ANGPT1: variants seen among roughly 807,000 people sequenced by gnomAD.
ANGPT1 encodes the protein angiopoietin-1.
A neutral mutation model predicts 62.2 loss-of-function variants in ANGPT1; 17 were observed. The observed-to-expected ratio is 0.27, with a 90% CI of 0.19 to 0.41. ANGPT1 has a LOEUF of 0.41. ANGPT1 is among the 10% of genes least tolerant of loss of function. The probability of loss-of-function intolerance (pLI) is 1.00; values close to 1 mark genes in which losing one functional copy is unlikely to be tolerated. For missense variants in ANGPT1, 478 were observed against 594.9 expected (o/e 0.80, Z 2.04); for synonymous variants, 199 against 198.9 (o/e 1.00, Z 0.00).
At chr8:107,411,340 ATTGT>A (rs1337007843) in intron 1 of ANGPT1, among the ~76,000 whole-genome samples, 1 of 152,198 alleles carries the variant, frequency 6.6e-6, no homozygotes, top group South Asian at 2.1e-4. Flanking sequence ...TTAAATAAAC[ATTGT>A]TTGTTTGGTA....
intron 1 of ANGPT1, among the ~76,000 whole-genome samples, chr8:107,385,181 G>C (rs1263660892): frequency 6.6e-6 from 1 of 152,016 alleles, no homozygotes; most frequent in Non-Finnish European, 1.5e-5. Flanking sequence ...GTCCTTGGTA[G>C]TTTGATAAGA....
chr8:107,271,130 C>A (rs1813723938), intron 7 of ANGPT1, among the ~76,000 whole-genome samples: 1 of 151,976 alleles, frequency 6.6e-6, no homozygotes. Flanking sequence ...CAAATTAAGG[C>A]TGTGTCATGA....
intron 2 of ANGPT1, among the ~76,000 whole-genome samples, chr8:107,343,114 G>A (rs1815731041): frequency 6.6e-6 from 1 of 151,472 alleles, no homozygotes. Flanking sequence ...TGAGATTTTA[G>A]GTGCGGGCCA....
chr8:107,341,852 G>A (rs567020482), intron 2 of ANGPT1, among the ~76,000 whole-genome samples: 11 of 151,964 alleles, frequency 7.2e-5, no homozygotes, highest in African/African-American at 7.2e-5. Flanking sequence ...CAGGCTTATC[G>A]AGTAGCTGTA....
intron 1 of ANGPT1, among the ~76,000 whole-genome samples, chr8:107,353,882 C>T (rs1400686096): frequency 6.6e-6 from 1 of 151,992 alleles, no homozygotes; most frequent in East Asian, 1.9e-4. Flanking sequence ...ATTCTTTCTG[C>T]TTGATAGGGA....
intron 3 of ANGPT1, chr8:107,322,776 A>T (rs1038218836): frequency 7.5e-6 from 2 of 268,192 alleles, no homozygotes; most frequent in Non-Finnish European, 7.3e-6. Flanking sequence ...GAAAATGCTC[A>T]AAATATGTTA....
chr8:107,349,795 C>G (rs1815893823), intron 1 of ANGPT1, among the ~76,000 whole-genome samples: 1 of 152,118 alleles, frequency 6.6e-6, no homozygotes, highest in Non-Finnish European at 1.5e-5. Context: ...TATTATATAG[C>G]TCTTAAAGCT....
intron 1 of ANGPT1, among the ~76,000 whole-genome samples, chr8:107,443,172 A>G (rs761664794): frequency 1.3e-5 from 2 of 152,164 alleles, no homozygotes; most frequent in African/African-American, 4.8e-5. Context: ...CTTTGGGGCC[A>G]TAAGATTTCT....
intron 4 of ANGPT1, among the ~76,000 whole-genome samples, chr8:107,312,586 C>A (rs1236597305): frequency 1.3e-5 from 2 of 152,184 alleles, no homozygotes; most frequent in East Asian, 3.9e-4. Flanking sequence ...TTGATTCTTA[C>A]TCTTGTGGTG....
At chr8:107,484,213 G>T (rs1812757685) in intron 1 of ANGPT1, among the ~76,000 whole-genome samples, 1 of 152,126 alleles carries the variant, frequency 6.6e-6, no homozygotes, top group Admixed American at 6.6e-5. Flanking sequence ...CAGAGTATGG[G>T]TTCAAATTCT....
In ANGPT1 at chr8:107,489,982, A is replaced by G. The variant is rs1397178776; in HGVS notation, c.297+7280T>C. 2.0e-5 allele frequency among the ~76,000 whole-genome samples: 3 copies of G among 152,086 alleles called. No individual in the cohort carries two copies. In the East Asian group the frequency reaches 5.8e-4, roughly 29 times the overall value. On this transcript the variant is annotated intron_variant, in intron 1 of 8. Transcript: ENST00000517746. ...AAGAAAAGAACACAAGGCCCAGGAA[A>G]AGGCTGCTAATGTATCCACACAGAG...
intron 1 of ANGPT1, among the ~76,000 whole-genome samples, chr8:107,385,210 A>T (rs1816710438): frequency 6.6e-6 from 1 of 151,480 alleles, no homozygotes; most frequent in African/African-American, 2.4e-5. Context: ...GCATCGGTAA[A>T]TTGCTTTTTG....
At chr8:107,378,721 C>A (rs908695487) in intron 1 of ANGPT1, among the ~76,000 whole-genome samples, 1 of 152,038 alleles carries the variant, frequency 6.6e-6, no homozygotes, top group Non-Finnish European at 1.5e-5. Flanking sequence ...GGCTCTTCCC[C>A]CTTCCCTTGG....
chr8:107,370,098 T>C (rs76580058), intron 1 of ANGPT1, among the ~76,000 whole-genome samples: 24,922 of 148,698 alleles, frequency 0.17, 2,497 homozygotes, highest in Admixed American at 0.23. Flanking sequence ...GATCATGCTA[T>C]TGTGTTCCAG....
chr8:107,271,266 C>T (rs1813727763), intron 7 of ANGPT1, among the ~76,000 whole-genome samples: 1 of 152,016 alleles, frequency 6.6e-6, no homozygotes, highest in East Asian at 1.9e-4. Flanking sequence ...CTATGTCCTG[C>T]CAATATTTTG....
Position 107,370,339 on chromosome 8 carries a change from A to AAAG in ANGPT1, c.298-23243_298-23242insCTT, listed in dbSNP as rs1491373358. 1.8e-4 allele frequency among the ~76,000 whole-genome samples: 2 copies of AAAG among 11,168 alleles called. 1 individual carries two copies. The highest frequency in any genetic ancestry group is 3.1e-4 in the African/African-American group (2 of 6,478). The allele number at this position is 11,168 out of a possible 152,430, so 7.3% of individuals were successfully genotyped here. ...GGAAGGAAAGAGAAAGGAAAGAAAG[A>AAAG]AAAAGAAAGAAAGAAAGAAAGAAAG... is the stretch of plus-strand genomic sequence containing the variant. On this transcript the variant is annotated intron_variant, in intron 1 of 8. Transcript: ENST00000517746.
At chr8:107,282,261 T>C (rs1814025577) in intron 7 of ANGPT1, among the ~76,000 whole-genome samples, 2 of 151,662 alleles carry the variant, frequency 1.3e-5, no homozygotes, top group Admixed American at 6.6e-5. Context: ...TGACTGCACA[T>C]CTACTTTCTG....
At chr8:107,369,111 C>T (rs1654703) in intron 1 of ANGPT1, among the ~76,000 whole-genome samples, 113,283 of 152,022 alleles carry the variant, frequency 0.75, 43,071 homozygotes, top group East Asian at 0.87. Flanking sequence ...AAATCTGTTG[C>T]TTAGTATAGC....
intron 8 of ANGPT1, among the ~76,000 whole-genome samples, chr8:107,258,859 C>T (rs745600363): frequency 1.3e-4 from 20 of 152,154 alleles, no homozygotes; most frequent in Non-Finnish European, 2.5e-4. Context: ...GCAAGAATCA[C>T]GTTTATACTA....
Sources: allele counts gnomAD v4.1 joint callset (sites outside exome capture counted in the v4.1 genomes callset), GRCh38; gene constraint gnomAD v4.1.1; transcripts MANE v1.5; gene names NCBI Gene and HGNC (gene_info 2026-07-23, HGNC 2026-07-21).